Variants in KANSL1 observed in about 807,000 individuals in gnomAD.
KANSL1 encodes the protein KAT8 regulatory NSL complex subunit 1, also known as MLL1/MLL complex subunit KANSL1.
In KANSL1, 22 loss-of-function variants were observed where a neutral mutation model predicts 103.6. That is an observed-to-expected ratio of 0.21 (90% CI 0.15 to 0.30). KANSL1 has a LOEUF of 0.30. Among genes scored for constraint, KANSL1 ranks in the 10% least tolerant of loss-of-function variants. The pLI, the probability that KANSL1 is intolerant of heterozygous loss-of-function variation, is 1.00. For synonymous variants in KANSL1, 600 were observed against 527.6 expected, an observed-to-expected ratio of 1.14 and a Z score of -1.88; for missense variants, 1,337 against 1,399.8, an observed-to-expected ratio of 0.96 and a Z score of 0.72.
chr17:46,072,442 A>C (rs895270869), intron 4 of KANSL1, among the ~76,000 whole-genome samples: 3 of 152,166 alleles, frequency 2.0e-5, no homozygotes, highest in African/African-American at 4.8e-5. Context: ...ATTAAAATGG[A>C]AAGAAAATGC....
intron 3 of KANSL1, among the ~76,000 whole-genome samples, chr17:46,085,544 C>T (rs1245856050): frequency 6.6e-6 from 1 of 152,172 alleles, no homozygotes. Flanking sequence ...TGCTGGAGTG[C>T]AGTGGTGTGG....
chr17:46,193,356 TGGCGGCGGC>T lies in KANSL1; in HGVS notation c.-632_-624del, dbSNP rs1348938086. ...CCGGCTCGGCGAGCGGTGGCGGCGGTGGCGGCGGCACTGGGAAAATGGCGGCCGAGCTCC... is the reference window on the plus strand; with the variant it reads ...CCGGCTCGGCGAGCGGTGGCGGCGGTACTGGGAAAATGGCGGCCGAGCTCC... On this transcript the variant is annotated 5_prime_UTR_variant, in exon 1 of 15. Transcript: ENST00000432791. 4.5e-5 allele frequency: 7 copies of T among 156,872 alleles called. No homozygotes were observed. In the South Asian group the frequency reaches 6.0e-4, roughly 13 times the overall value. 9.7% of individuals were successfully genotyped at this position (156,872 alleles called of 1,614,324 possible).
At chr17:46,077,583 A>G in intron 4 of KANSL1, among the ~76,000 whole-genome samples, 1 of 152,032 alleles carries the variant, frequency 6.6e-6, no homozygotes, top group Non-Finnish European at 1.5e-5. Context: ...TTTGAGACGG[A>G]GTCTCACTCT....
chr17:46,124,369 A>C (rs2043421573), intron 2 of KANSL1, among the ~76,000 whole-genome samples: 1 of 152,260 alleles, frequency 6.6e-6, no homozygotes, highest in South Asian at 2.1e-4. Context: ...TTGAGACCTC[A>C]TGCTCAGAAA....
At chr17:46,119,058 T>C (rs2043164634) in intron 2 of KANSL1, among the ~76,000 whole-genome samples, 1 of 152,252 alleles carries the variant, frequency 6.6e-6, no homozygotes, top group Non-Finnish European at 1.5e-5. Context: ...TCTACTGAAT[T>C]TGCTTTCTCC....
intron 1 of KANSL1, among the ~76,000 whole-genome samples, chr17:46,188,475 G>C (rs1225947530): frequency 6.6e-6 from 1 of 152,198 alleles, no homozygotes; most frequent in Non-Finnish European, 1.5e-5. Flanking sequence ...TCTTAAAACA[G>C]ACTTCCAAGA....
In KANSL1 at chr17:46,155,831, G is replaced by A. The variant is rs142265890; in HGVS notation, c.1289+15024C>T. The stretch of plus-strand genomic sequence containing the variant: ...ACCTATAATACCAACACTTTGGGAG[G>A]CTGACACAGGAGGATTACTTAAGCC... On this transcript the variant is annotated intron_variant, in intron 2 of 14. Transcript: ENST00000432791. Among the ~76,000 whole-genome samples the A allele has an allele frequency of 2.0e-5, 3 of 152,290 alleles. No individual in the cohort carries two copies. The East Asian group carries it at 5.8e-4, about 29-fold the overall frequency.
intron 2 of KANSL1, among the ~76,000 whole-genome samples, chr17:46,137,845 C>T (rs1359897437): frequency 2.1e-5 from 3 of 145,564 alleles, no homozygotes; most frequent in East Asian, 4.0e-4. Flanking sequence ...CAGGTCTGGG[C>T]GACACAGCGA....
At position 46,030,012 on chromosome 17, in the gene KANSL1, A is replaced by G. The variant is rs574879269; in HGVS notation, c.*1464T>C. ...GCGAACAGAATCAAGACATTAACAA[A>G]GATCAGCTTCTCTGAAGAAAAGCAT... On this transcript the variant is annotated 3_prime_UTR_variant, in exon 15 of 15. Coordinates refer to ENST00000432791, the MANE Select transcript of KANSL1 (RefSeq NM_015443.4). 1.3e-5 allele frequency: 2 copies of G among 152,488 alleles called. No homozygotes were observed. The highest frequency in any genetic ancestry group is 3.9e-4 in the East Asian group (2 of 5,184). 9.4% of individuals were successfully genotyped at this position (152,488 alleles called of 1,614,324 possible). A position where few individuals can be genotyped will look rare whatever the true frequency, so the allele number is the denominator to read the frequency against.
rs1468424761 is a variant in KANSL1 at position 46,099,098 on chromosome 17, C to T, written c.1290-4397G>A. 1.2e-4 allele frequency among the ~76,000 whole-genome samples: 14 copies of T among 113,376 alleles called. 2 individuals are homozygous for T. The highest frequency in any genetic ancestry group is 3.1e-4 in the Non-Finnish European group (13 of 42,248). 74.4% of individuals were successfully genotyped at this position (113,376 alleles called of 152,430 possible). A position where few individuals can be genotyped will look rare whatever the true frequency, so the allele number is the denominator to read the frequency against. ...CAGCACTTTGGGAGGCCGAGGCAGG[C>T]GGATCACGAGGTCAGGAGATCGAGA... On this transcript the variant is annotated intron_variant, in intron 2 of 14. Coordinates refer to ENST00000432791, the MANE Select transcript of KANSL1 (RefSeq NM_015443.4).
chr17:46,094,457 T>G, intron 3 of KANSL1, 103 bp downstream of exon 3: 1 of 1,343,568 alleles, frequency 7.4e-7, no homozygotes, highest in South Asian at 1.3e-5. Flanking sequence ...TTTGCAATAG[T>G]TAAGAAGAGG....
chr17:46,170,720 C>T (rs2046239217), intron 2 of KANSL1, 135 bp downstream of exon 2: 3 of 1,013,726 alleles, frequency 3.0e-6, no homozygotes, highest in Non-Finnish European at 4.3e-6. Flanking sequence ...CTCATCTACC[C>T]AACATCAGGG....
intron 1 of KANSL1, among the ~76,000 whole-genome samples, chr17:46,213,879 C>T (rs1363582812): frequency 2.6e-5 from 4 of 151,852 alleles, no homozygotes; most frequent in Non-Finnish European, 5.9e-5. Flanking sequence ...GACTGCGCCA[C>T]TGCACTCCAG....
At chr17:46,113,846 A>G (rs2042927974) in intron 2 of KANSL1, among the ~76,000 whole-genome samples, 1 of 152,240 alleles carries the variant, frequency 6.6e-6, no homozygotes, top group Non-Finnish European at 1.5e-5. Context: ...ACTTTGTAAG[A>G]TCTTGATTAA....
chr17:46,159,203 T>A (rs923740973), intron 2 of KANSL1, among the ~76,000 whole-genome samples: 11 of 152,228 alleles, frequency 7.2e-5, no homozygotes, highest in African/African-American at 2.7e-4. Context: ...CCTATGCCTA[T>A]GACAACAGCC....
At chr17:46,139,296 C>CAAAA (rs370375207) in intron 2 of KANSL1, among the ~76,000 whole-genome samples, 2 of 139,474 alleles carry the variant, frequency 1.4e-5, no homozygotes, top group Non-Finnish European at 3.1e-5. Context: ...TTTCATAGGC[C>CAAAA]AAAAAAAAAA....
At chr17:46,047,804 A>T (rs1246323625) in intron 7 of KANSL1, among the ~76,000 whole-genome samples, 3 of 36,458 alleles carry the variant, frequency 8.2e-5, no homozygotes, top group East Asian at 0.024. Flanking sequence ...ATAAAAATTA[A>T]AAAAAAAAAA....
At chr17:46,064,971 TG>T (rs1203569536) in intron 6 of KANSL1, among the ~76,000 whole-genome samples, 2 of 151,916 alleles carry the variant, frequency 1.3e-5, no homozygotes, top group Non-Finnish European at 1.5e-5. Context: ...TTTTTTTGTT[TG>T]TTTTTTTGTT....
chr17:46,192,772 A>G (rs755597634), intron 1 of KANSL1, 51 bp downstream of exon 1: 9 of 158,002 alleles, frequency 5.7e-5, no homozygotes, highest in Non-Finnish European at 1.1e-4. Flanking sequence ...GAGCGAGGAG[A>G]AGGAGAAAGG....
Sources: gnomAD v4.1 joint callset for allele counts (sites outside exome capture counted in the v4.1 genomes callset) on GRCh38, gnomAD v4.1.1 for gene constraint, MANE v1.5 for transcripts, NCBI Gene and HGNC (gene_info 2026-07-23, HGNC 2026-07-21) for gene names.